The following ERC2 variants were observed in gnomAD, a reference collection of about 807,000 sequenced individuals.
ERC2 encodes ELKS/RAB6-interacting/CAST family member 2, also known as ERC protein 2.
A neutral mutation model predicts 114.8 loss-of-function variants in ERC2; 42 were observed. That is an observed-to-expected ratio of 0.37 (90% confidence interval 0.29 to 0.47). ERC2 has a LOEUF of 0.47. Among genes scored for constraint, ERC2 ranks in the 20% least tolerant of loss-of-function variants. The probability of loss-of-function intolerance (pLI) is 0.99; values close to 1 mark genes in which losing one functional copy is unlikely to be tolerated. For missense variants in ERC2, 939 were observed against 1,150.7 expected (o/e 0.82, Z 2.66); for synonymous variants, 454 against 425.5 (o/e 1.07, Z -0.82).
chr3:56,420,177 C>CTTTTTTTTTTTTT (rs34883402), intron 2 of ERC2, among the ~76,000 whole-genome samples: 1 of 72,292 alleles, frequency 1.4e-5, no homozygotes, highest in Non-Finnish European at 2.5e-5. Flanking sequence ...AGTGGTTATA[C>CTTTTTTTTTTTTT]TTTTTTTTTT....
intron 10 of ERC2, among the ~76,000 whole-genome samples, chr3:55,997,891 TTTTTTTTTTTTTTTTTGTG>T (rs1289805095): frequency 3.8e-5 from 2 of 52,916 alleles, no homozygotes; most frequent in African/African-American, 1.2e-4. Context: ...TTTTTTTTTT[TTTTTTTTTTTTTTTTTGTG>T]TGTGTGTGTG....
In ERC2 at chr3:56,174,926, C is replaced by T. The variant is rs548716326; in HGVS notation, c.1075-1406G>A. Among the ~76,000 whole-genome samples, 7 of 150,832 alleles carry T rather than the reference C, an allele frequency of 4.6e-5. No individual in the cohort carries two copies. In the South Asian group the frequency reaches 1.3e-3, roughly 27 times the overall value. ...CAGGGAAACAGAGATTGCAGTGAGC[C>T]GAGATCACGCCACTGCACCCCAGCC... is the stretch of plus-strand genomic sequence containing the variant. On this transcript the variant is annotated intron_variant, in intron 3 of 17. Coordinates refer to ENST00000288221, the MANE Select transcript of ERC2 (RefSeq NM_015576.3).
chr3:55,944,973 T>C (rs1476446899), intron 13 of ERC2, among the ~76,000 whole-genome samples: 1 of 152,248 alleles, frequency 6.6e-6, no homozygotes, highest in African/African-American at 2.4e-5. Context: ...GGTCAGTTCA[T>C]ATTTCAACAA....
chr3:55,683,858 T>C lies in ERC2; in HGVS notation c.2849A>G (p.Asp950Gly). The change falls in exon 17 of 18, where the codon GAT (aspartate) becomes GGT (glycine). Residue 950 changes from aspartate to glycine, a missense_variant and splice_region_variant. By Grantham distance (94) the Asp-to-Gly change is moderately conservative. Transcript: ENST00000288221. ...CTATGCCCATATGCCCTCCTCGTCA[T>C]CCTGCGGCCGGCCCGAGGTGGGGAG... ...HSNHRPSPDQDDEEGIWA is the reference protein window; with the variant it reads ...HSNHRPSPDQGDEEGIWA 3 of 1,612,488 alleles carry C rather than the reference T, an allele frequency of 1.9e-6. No homozygotes were observed. The highest frequency in any genetic ancestry group is 2.5e-6 in the Non-Finnish European group (3 of 1,179,334).
intron 14 of ERC2, among the ~76,000 whole-genome samples, chr3:55,786,184 C>G (rs924216658): frequency 1.3e-5 from 2 of 152,180 alleles, no homozygotes; most frequent in African/African-American, 4.8e-5. Context: ...GAGCCAAGTC[C>G]TGTCCTTCTG....
intron 3 of ERC2, among the ~76,000 whole-genome samples, chr3:56,227,703 G>A (rs771432949): frequency 6.6e-6 from 1 of 152,134 alleles, no homozygotes; most frequent in Non-Finnish European, 1.5e-5. Context: ...GGTGCTGGTG[G>A]GAATGCAAAT....
chr3:56,218,186 A>G, intron 3 of ERC2, among the ~76,000 whole-genome samples: 1 of 152,106 alleles, frequency 6.6e-6, no homozygotes, highest in Non-Finnish European at 1.5e-5. Context: ...AGAAACTACC[A>G]TCAGAGTGAA....
chr3:56,150,592 A>G (rs1240226267), intron 4 of ERC2, among the ~76,000 whole-genome samples: 8 of 152,062 alleles, frequency 5.3e-5, no homozygotes, highest in Non-Finnish European at 1.0e-4. Flanking sequence ...TCCTTTAAAA[A>G]TAATACCTAT....
At position 56,423,635 on chromosome 3, in the gene ERC2, A is replaced by G. The variant is rs543765269; in HGVS notation, c.657+10716T>C. 2.0e-5 allele frequency among the ~76,000 whole-genome samples: 3 copies of G among 152,346 alleles called. No individual in the cohort carries two copies. The East Asian group carries it at 5.8e-4, about 29-fold the overall frequency. On this transcript the variant is annotated intron_variant, in intron 2 of 17. Coordinates refer to ENST00000288221, the MANE Select transcript of ERC2 (RefSeq NM_015576.3). ...CTTCTCACCAGATCTTTCCTACTGA[A>G]AAACAAAATGGCTACACGTTGCTTC... is the stretch of plus-strand genomic sequence containing the variant.
chr3:56,460,827 A>C (rs1012351116), intron 1 of ERC2, among the ~76,000 whole-genome samples: 1 of 152,288 alleles, frequency 6.6e-6, no homozygotes, highest in South Asian at 2.1e-4. Context: ...ATACTTGAAA[A>C]AGCAACATGG....
intron 2 of ERC2, among the ~76,000 whole-genome samples, chr3:56,337,002 T>A (rs2057881248): frequency 6.6e-6 from 1 of 152,182 alleles, no homozygotes; most frequent in African/African-American, 2.4e-5. Context: ...CTCAGAATTT[T>A]AATAGAGGTT....
At chr3:56,240,761 C>T (rs757245767) in intron 3 of ERC2, among the ~76,000 whole-genome samples, 5 of 152,162 alleles carry the variant, frequency 3.3e-5, no homozygotes, top group African/African-American at 7.2e-5. Context: ...TTGTGTAAAA[C>T]GACCACTTAG....
At chr3:56,453,130 G>T (rs544833116) in intron 1 of ERC2, among the ~76,000 whole-genome samples, 1 of 152,110 alleles carries the variant, frequency 6.6e-6, no homozygotes, top group Non-Finnish European at 1.5e-5. Context: ...CCCCTAGCCT[G>T]CCCATCCCTA....
chr3:55,729,268 C>T (rs2065102059), intron 15 of ERC2, among the ~76,000 whole-genome samples: 2 of 152,148 alleles, frequency 1.3e-5, no homozygotes, highest in Admixed American at 1.3e-4. Flanking sequence ...TTGCTATCCC[C>T]CAAACACACA....
intron 10 of ERC2, among the ~76,000 whole-genome samples, chr3:56,003,328 CT>C (rs1259517430): frequency 6.6e-6 from 1 of 152,064 alleles, no homozygotes; most frequent in Non-Finnish European, 1.5e-5. Context: ...TTGACTTTGG[CT>C]CCTAAAAAAG....
chr3:56,233,421 G>A (rs1433943222), intron 3 of ERC2, among the ~76,000 whole-genome samples: 2 of 152,130 alleles, frequency 1.3e-5, no homozygotes. Flanking sequence ...AGGAGTTTGA[G>A]ACCAGCCTGG....
intron 17 of ERC2, among the ~76,000 whole-genome samples, chr3:55,625,595 C>G (rs1403003149): frequency 6.6e-6 from 1 of 151,502 alleles, no homozygotes; most frequent in Non-Finnish European, 1.5e-5. Flanking sequence ...ACTAAAAATA[C>G]AAAAAATTAG....
chr3:55,982,316 G>A lies in ERC2; in HGVS notation c.2267+3661C>T, dbSNP rs957326029. Among the ~76,000 whole-genome samples, 6 of 152,086 alleles carry A rather than the reference G, an allele frequency of 3.9e-5. No homozygotes were observed. The South Asian group carries it at 1.2e-3, about 32-fold the overall frequency. On this transcript the variant is annotated intron_variant, in intron 12 of 17. Transcript: ENST00000288221. ...TCCCATCTGTAAATCAAAATGGATTGATTTAGGGGGTAAAAAAACCAATGC... is the reference window on the plus strand; with the variant it reads ...TCCCATCTGTAAATCAAAATGGATTAATTTAGGGGGTAAAAAAACCAATGC...
At position 55,808,747 on chromosome 3, in the gene ERC2, T is replaced by C. The variant is rs537861317; in HGVS notation, c.2565-73829A>G. The stretch of plus-strand genomic sequence containing the variant: ...TATATATATATATATATATATAACG[T>C]ATAACTAAACATATATATATATATA... On this transcript the variant is annotated intron_variant, in intron 14 of 17. Transcript: ENST00000288221. Among the ~76,000 whole-genome samples, 586 of 96,678 alleles carry C rather than the reference T, an allele frequency of 6.1e-3. 11 individuals carry two copies. The highest frequency in any genetic ancestry group is 0.025 in the African/African-American group (556 of 22,460). The allele number at this position is 96,678 out of a possible 152,430, so 63.4% of individuals were successfully genotyped here. A position where few individuals can be genotyped will look rare whatever the true frequency, so the allele number is the denominator to read the frequency against.
Sources: gnomAD v4.1 joint callset for allele counts (sites outside exome capture counted in the v4.1 genomes callset) on GRCh38, gnomAD v4.1.1 for gene constraint, MANE v1.5 for transcripts, NCBI Gene and HGNC (gene_info 2026-07-23, HGNC 2026-07-21) for gene names.